Variants in GRIK2 observed in about 807,000 individuals in gnomAD.
GRIK2 encodes the protein glutamate receptor ionotropic, kainate 2.
GRIK2 carries 32 observed loss-of-function variants against 100.3 expected under a neutral mutation model. The ratio of observed to expected loss-of-function variants is 0.32; its 90% CI spans 0.24 to 0.43. The LOEUF (loss-of-function observed/expected upper bound fraction) is 0.43, where lower values mean the gene tolerates loss of function less well. Ranked by LOEUF, GRIK2 falls within the 20% of genes least tolerant of loss-of-function variation. The pLI is 1.00. For synonymous variants in GRIK2, 417 were observed against 389.4 expected (o/e 1.07, Z -0.83); for missense variants, 843 against 1,114.9 (o/e 0.76, Z 3.47).
At chr6:101,708,849 A>C (rs1773514179) in intron 7 of GRIK2, among the ~76,000 whole-genome samples, 1 of 151,716 alleles carries the variant, frequency 6.6e-6, no homozygotes. Flanking sequence ...ATATGTTGAA[A>C]TCCTTACCCC....
intron 4 of GRIK2, among the ~76,000 whole-genome samples, chr6:101,673,427 G>A (rs1269206740): frequency 1.3e-5 from 2 of 152,076 alleles, no homozygotes; most frequent in African/African-American, 2.4e-5. Context: ...TTCCAAGTGG[G>A]CACTTTTCAC....
intron 14 of GRIK2, among the ~76,000 whole-genome samples, chr6:101,988,090 A>AGTGTGTGTGTGTGTGT (rs57491735): frequency 2.8e-5 from 4 of 141,426 alleles, no homozygotes; most frequent in African/African-American, 5.3e-5. Context: ...CCAGTATTAT[A>AGTGTGTGTGTGTGTGT]GTGTGTGTGT....
intron 4 of GRIK2, among the ~76,000 whole-genome samples, chr6:101,627,339 A>C (rs975887272): frequency 3.9e-5 from 6 of 152,036 alleles, no homozygotes; most frequent in Admixed American, 3.9e-4. Flanking sequence ...TCAGGGTTTC[A>C]TCATGTTGGC....
intron 2 of GRIK2, among the ~76,000 whole-genome samples, chr6:101,484,180 T>A (rs148972603): frequency 1.3e-5 from 2 of 152,300 alleles, no homozygotes; most frequent in Admixed American, 6.5e-5. Context: ...TAGATAATAG[T>A]CCCAGTTGCT....
chr6:101,474,722 G>C (rs1250783632), intron 2 of GRIK2, among the ~76,000 whole-genome samples: 1 of 48,538 alleles, frequency 2.1e-5, no homozygotes, highest in African/African-American at 7.1e-5. Context: ...ATGGGAGAGT[G>C]GCAGGCTTTT....
intron 14 of GRIK2, among the ~76,000 whole-genome samples, chr6:101,965,781 G>T (rs1231627317): frequency 6.6e-6 from 1 of 152,004 alleles, no homozygotes; most frequent in African/African-American, 2.4e-5. Context: ...ATGAGGTAAA[G>T]TATAGGAGGT....
At chr6:101,794,804 T>C (rs1365104698) in intron 7 of GRIK2, among the ~76,000 whole-genome samples, 1 of 152,144 alleles carries the variant, frequency 6.6e-6, no homozygotes, top group African/African-American at 2.4e-5. Flanking sequence ...TTTTTATTTC[T>C]TGTGTCCTTT....
chr6:102,011,577 CTTTTTTTTTTT>C (rs763369559), intron 14 of GRIK2, among the ~76,000 whole-genome samples: 1 of 76,648 alleles, frequency 1.3e-5, no homozygotes, highest in Non-Finnish European at 2.2e-5. Flanking sequence ...CTTTCTTTTC[CTTTTTTTTTTT>C]TTTTTTTTTT....
At chr6:101,991,812 G>C (rs971885176) in intron 14 of GRIK2, among the ~76,000 whole-genome samples, 22 of 151,568 alleles carry the variant, frequency 1.5e-4, no homozygotes, top group African/African-American at 5.3e-4. Context: ...GACATTAAAA[G>C]TTCTATGTTT....
chr6:101,510,321 G>T (rs1281118379), intron 2 of GRIK2, among the ~76,000 whole-genome samples: 1 of 151,942 alleles, frequency 6.6e-6, no homozygotes, highest in Non-Finnish European at 1.5e-5. Flanking sequence ...CACTAGAGTG[G>T]GTATGATGGC....
intron 7 of GRIK2, among the ~76,000 whole-genome samples, chr6:101,701,433 A>G (rs1453364988): frequency 6.6e-6 from 1 of 152,092 alleles, no homozygotes; most frequent in East Asian, 1.9e-4. Context: ...GCTTTCAAGC[A>G]AAATATTACT....
chr6:101,592,586 C>CATATATAT lies in GRIK2; in HGVS notation c.116-29362_116-29361insTATATATA, dbSNP rs1491243587. 3.9e-3 allele frequency among the ~76,000 whole-genome samples: 209 copies of CATATATAT among 53,264 alleles called. 1 individual carries two copies. Among genetic ancestry groups the CATATATAT allele is most frequent in the African/African-American group, 0.012 (147 of 12,156 alleles). The allele number at this position is 53,264 out of a possible 152,430, so 34.9% of individuals were successfully genotyped here. A position where few individuals can be genotyped will look rare whatever the true frequency, so the allele number is the denominator to read the frequency against. On this transcript the variant is annotated intron_variant, in intron 2 of 16. Transcript: ENST00000369134. ...AGTCATGGGATAGAATTACTAATAT[C>CATATATAT]ACATATATATATATATATATATATA...
chr6:101,664,320 G>A (rs936384801), intron 4 of GRIK2, among the ~76,000 whole-genome samples: 12 of 152,222 alleles, frequency 7.9e-5, no homozygotes, highest in African/African-American at 2.9e-4. Context: ...GCTTTGGTCA[G>A]CAAAGAACTA....
chr6:102,029,130 C>T lies in GRIK2; in HGVS notation c.2086-6211C>T, dbSNP rs7764905. Among the ~76,000 whole-genome samples the T allele has an allele frequency of 2.9e-3, 445 of 150,930 alleles. 1 individual carries two copies. The highest frequency in any genetic ancestry group is 4.0e-3 in the Non-Finnish European group (271 of 67,326). ...CAATTCCTGAGTCTTTCCTGGTGTT[C>T]TGTCTCAGTCTTCACTTTCTCTCAT... is the stretch of plus-strand genomic sequence containing the variant. On this transcript the variant is annotated intron_variant, in intron 14 of 16. Transcript: ENST00000369134.
chr6:101,414,967 TGTGTGTG>T (rs72207070), intron 2 of GRIK2, among the ~76,000 whole-genome samples: 3,035 of 150,814 alleles, frequency 0.02, 101 homozygotes, highest in African/African-American at 0.07. Flanking sequence ...TGTGTGTATG[TGTGTGTG>T]GTGTGTGGTG....
chr6:102,007,465 A>T (rs1562106627), intron 14 of GRIK2, among the ~76,000 whole-genome samples: 1 of 152,126 alleles, frequency 6.6e-6, no homozygotes. Context: ...TTGTGACAGT[A>T]CTCATTCTAC....
intron 5 of GRIK2, among the ~76,000 whole-genome samples, chr6:101,680,959 C>G (rs949908915): frequency 5.3e-5 from 8 of 152,158 alleles, no homozygotes; most frequent in Non-Finnish European, 1.0e-4. Flanking sequence ...TGCCACCTTT[C>G]ATTAACCAAT....
At chr6:101,979,017 C>G (rs1038536405) in intron 14 of GRIK2, among the ~76,000 whole-genome samples, 1 of 151,962 alleles carries the variant, frequency 6.6e-6, no homozygotes, top group Non-Finnish European at 1.5e-5. Context: ...GATAACATAT[C>G]TTATTTTCAA....
At chr6:101,729,162 A>G (rs1644489744) in intron 7 of GRIK2, among the ~76,000 whole-genome samples, 2 of 152,068 alleles carry the variant, frequency 1.3e-5, no homozygotes, top group South Asian at 4.1e-4. Context: ...TGGATTGCAG[A>G]TGTCTAATTG....
Sources: gnomAD v4.1 joint callset for allele counts (sites outside exome capture counted in the v4.1 genomes callset) on GRCh38, gnomAD v4.1.1 for gene constraint, MANE v1.5 for transcripts, NCBI Gene and HGNC (gene_info 2026-07-23, HGNC 2026-07-21) for gene names.